The following CUX1 variants were observed in gnomAD, a reference collection of about 807,000 sequenced individuals.
The protein encoded by CUX1 is protein CASP.
A neutral mutation model predicts 158.8 loss-of-function variants in CUX1; 31 were observed. The ratio of observed to expected loss-of-function variants is 0.20; its 90% CI spans 0.15 to 0.26. The LOEUF is 0.26. Among genes scored for constraint, CUX1 ranks in the 10% least tolerant of loss-of-function variants. The pLI, the probability that CUX1 is intolerant of heterozygous loss-of-function variation, is 1.00. For synonymous variants in CUX1, 879 were observed against 862.1 expected (o/e 1.02, Z -0.34); for missense variants, 1,589 against 2,014.6 (o/e 0.79, Z 4.04).
At chr7:102,174,768 A>C (rs1554511310) in intron 10 of CUX1, among the ~76,000 whole-genome samples, 1 of 152,164 alleles carries the variant, frequency 6.6e-6, no homozygotes, top group Admixed American at 6.5e-5. Flanking sequence ...AAATGGCAAA[A>C]TCCTATCTCT....
At position 102,079,534 on chromosome 7, in the gene CUX1, C is replaced by T. The variant is rs7798869; in HGVS notation, c.268+9117C>T. Among the ~76,000 whole-genome samples the T allele has an allele frequency of 6.0e-3, 910 of 152,168 alleles. 9 individuals are homozygous for T. The highest frequency in any genetic ancestry group is 0.021 in the African/African-American group (874 of 41,522). On this transcript the variant is annotated intron_variant, in intron 4 of 23. Transcript: ENST00000292535. ...TCAATGTGCCACTTGGTAGCCTTCT[C>T]GAAGGTGATAGAAATGTGGCCATTG... is the stretch of plus-strand genomic sequence containing the variant.
chr7:102,132,680 C>CTTTTTTTTTTTTTT (rs1174779466), intron 8 of CUX1, among the ~76,000 whole-genome samples: 2 of 115,184 alleles, frequency 1.7e-5, no homozygotes, highest in African/African-American at 3.5e-5. Context: ...CTTTGCTTTT[C>CTTTTTTTTTTTTTT]TTTTTTTTTT....
intron 3 of CUX1, among the ~76,000 whole-genome samples, chr7:102,060,499 C>G (rs1026911457): frequency 6.6e-6 from 1 of 151,392 alleles, no homozygotes; most frequent in Non-Finnish European, 1.5e-5. Flanking sequence ...CACAACAGCT[C>G]AACAAGGAGG....
intron 6 of CUX1, among the ~76,000 whole-genome samples, chr7:102,111,453 G>A (rs1478029472): frequency 7.2e-5 from 11 of 151,736 alleles, no homozygotes; most frequent in East Asian, 1.9e-4. Context: ...AACCTTCTAC[G>A]CCAGTTACCA....
chr7:102,205,243 G>T (rs1242051550), intron 20 of CUX1, 73 bp downstream of exon 20: 13 of 1,158,256 alleles, frequency 1.1e-5, no homozygotes, highest in Non-Finnish European at 1.7e-5. Context: ...GCTGTGGTCT[G>T]TCCCGGCGAG....
chr7:102,248,664 C>T lies in CUX1; in HGVS notation c.4140C>T (p.Thr1380=), dbSNP rs782686794. 4.0e-5 allele frequency: 54 copies of T among 1,336,452 alleles called. 2 individuals carry two copies. The Middle Eastern group carries it at 8.6e-4, about 21-fold the overall frequency. 82.8% of individuals were successfully genotyped at this position (1,336,452 alleles called of 1,614,324 possible). A position where few individuals can be genotyped will look rare whatever the true frequency, so the allele number is the denominator to read the frequency against. ...AGACGGAGCCGCCGCCCTCGGGGAC[C>T]CCGGGCCCGGACGACGCCCGCGACG... ...AEQTEPPPSG[T]PGPDDARDDD... Residue 1380 remains threonine (T), a synonymous_variant, in exon 24 of 24, where the codon ACC becomes ACT. Coordinates refer to ENST00000292535, the MANE Select transcript of CUX1 (RefSeq NM_181552.4). This position sits in a 1 kb window ranked among gnomAD's most constrained non-coding sequence, Gnocchi z 5.8.
Position 102,204,675 on chromosome 7 carries a change from A to G in CUX1, c.3073+119A>G, listed in dbSNP as rs1795772761. The G allele has an allele frequency of 1.4e-5, 18 of 1,319,112 alleles. No individual in the cohort carries two copies. In the South Asian group the frequency reaches 2.4e-4, roughly 18 times the overall value. The allele number at this position is 1,319,112 out of a possible 1,614,324, so 81.7% of individuals were successfully genotyped here. A position where few individuals can be genotyped will look rare whatever the true frequency, so the allele number is the denominator to read the frequency against. On this transcript the variant is annotated intron_variant, in intron 19 of 23. Coordinates refer to ENST00000292535, the MANE Select transcript of CUX1 (RefSeq NM_181552.4). ...GGAACTCCGCCCCAGGAGGTGGCCA[A>G]CCACACTCCCCACCGTGGGCTGGTG...
intron 20 of CUX1, among the ~76,000 whole-genome samples, chr7:102,209,043 T>C (rs1796249894): frequency 6.6e-6 from 1 of 152,158 alleles, no homozygotes; most frequent in Non-Finnish European, 1.5e-5. Context: ...GATGGCTCTG[T>C]GCTCTGTGCT....
At chr7:101,868,199 G>A (rs1285229077) in intron 1 of CUX1, among the ~76,000 whole-genome samples, 1 of 152,170 alleles carries the variant, frequency 6.6e-6, no homozygotes, top group African/African-American at 2.4e-5. Flanking sequence ...TCTCTGTGTT[G>A]AGGAATCCAG....
intron 1 of CUX1, among the ~76,000 whole-genome samples, chr7:101,907,529 A>G (rs1440586470): frequency 1.3e-5 from 2 of 151,966 alleles, no homozygotes; most frequent in Non-Finnish European, 1.5e-5. Context: ...TTGTATTTTT[A>G]GTAGAGACAG....
chr7:102,010,406 A>C (rs1260288699), intron 2 of CUX1, among the ~76,000 whole-genome samples: 1 of 151,866 alleles, frequency 6.6e-6, no homozygotes, highest in East Asian at 1.9e-4. Flanking sequence ...CAAAAAAAAA[A>C]AAAAAAAAAA....
chr7:102,235,332 C>T (rs543789377), intron 22 of CUX1, among the ~76,000 whole-genome samples: 1 of 152,326 alleles, frequency 6.6e-6, no homozygotes, highest in Admixed American at 6.5e-5. Context: ...AGACTGGGAA[C>T]CAGCTGCTGC....
At chr7:101,830,768 C>G (rs1459044507) in intron 1 of CUX1, among the ~76,000 whole-genome samples, 3 of 152,126 alleles carry the variant, frequency 2.0e-5, no homozygotes, top group Non-Finnish European at 2.9e-5. Flanking sequence ...CCAGATAACT[C>G]TTGCCTGCCT....
Position 102,097,518 on chromosome 7 carries a change from T to C in CUX1, c.406+17T>C, listed in dbSNP as rs781944554. On this transcript the variant is annotated intron_variant, in intron 5 of 23. Coordinates refer to ENST00000292535, the MANE Select transcript of CUX1 (RefSeq NM_181552.4). Reference sequence around the variant, plus strand: ...AAAATCAAGGTTGGTGGAAAATGCGTTCTTTGCTTTTTCTTTTCTTCTTTT... The same window carrying C: ...AAAATCAAGGTTGGTGGAAAATGCGCTCTTTGCTTTTTCTTTTCTTCTTTT... 1.3e-6 allele frequency: 2 copies of C among 1,569,738 alleles called. No individual in the cohort carries two copies. The highest frequency in any genetic ancestry group is 1.7e-4 in the Middle Eastern group (1 of 5,864).
intron 8 of CUX1, among the ~76,000 whole-genome samples, chr7:102,124,301 T>C (rs1034821577): frequency 1.3e-5 from 2 of 152,192 alleles, no homozygotes; most frequent in Non-Finnish European, 2.9e-5. Context: ...CAGTGCCGAA[T>C]GCAGGCTGCA....
Position 102,278,058 on chromosome 7 carries a change from C to T in CUX1, c.1673C>T (p.Pro558Leu), listed in dbSNP as rs782275828. ...AAGATCAAGTTCCTGCAGAGCTACC[C>T]TGGCCGGGTGAGGGCCCTCCCCTGG... is the stretch of plus-strand genomic sequence containing the variant. Residue 558 changes from proline (P) to leucine (L), a missense_variant, in exon 18 of 23, where the codon CCT becomes CTT. Physicochemically the swap from Pro to Leu is moderately conservative, Grantham distance 98. Transcript: ENST00000292538. 3.1e-6 allele frequency: 5 copies of T among 1,609,536 alleles called. No homozygotes were observed. In the Admixed American group the frequency reaches 8.4e-5, roughly 27 times the overall value.
chr7:101,859,390 C>A (rs902742983), intron 1 of CUX1, among the ~76,000 whole-genome samples: 1 of 152,196 alleles, frequency 6.6e-6, no homozygotes, highest in Admixed American at 6.5e-5. Flanking sequence ...TTAAAAATAT[C>A]TTTTCTCAAC....
intron 11 of CUX1, among the ~76,000 whole-genome samples, chr7:102,189,567 T>C (rs1378534295): frequency 1.3e-5 from 2 of 152,080 alleles, no homozygotes; most frequent in African/African-American, 4.8e-5. Flanking sequence ...TTCATTCTGC[T>C]TTTGCTAAGT....
chr7:102,055,964 C>G (rs1824076119), intron 3 of CUX1, among the ~76,000 whole-genome samples: 1 of 152,156 alleles, frequency 6.6e-6, no homozygotes, highest in South Asian at 2.1e-4. Flanking sequence ...ATCAAACCAG[C>G]CACAACATTC....
Sources: gnomAD v4.1 joint callset for allele counts (sites outside exome capture counted in the v4.1 genomes callset) on GRCh38, gnomAD v4.1.1 for gene constraint, Gnocchi (gnomAD v3.1) non-coding constraint, MANE v1.5 for transcripts, NCBI Gene and HGNC (gene_info 2026-07-23, HGNC 2026-07-21) for gene names.